TTC34: variants seen among roughly 807,000 people sequenced by gnomAD.
TTC34 encodes the protein tetratricopeptide repeat domain 34.
In TTC34, 44 loss-of-function variants were observed where a neutral mutation model predicts 40.7. The observed-to-expected ratio is 1.08, with a 90% CI of 0.85 to 1.39. TTC34 has a LOEUF of 1.39. Ranked by LOEUF, TTC34 falls within the 40% of genes most tolerant of loss-of-function variation. The pLI is 0.00. For missense variants in TTC34, 884 were observed against 838.0 expected (o/e 1.05, Z -0.68); for synonymous variants, 422 against 398.6 (o/e 1.06, Z -0.70).
intron 4 of TTC34, 86 bp from the exon 5 acceptor site, chr1:2,786,109 AC>A: frequency 8.3e-7 from 1 of 1,204,162 alleles, no homozygotes; most frequent in African/African-American, 1.7e-5. Context: ...GCCATCCCCC[AC>A]CCCACCCTCA....
chr1:2,787,459 GTCACCCCCCAGGCC>G lies in TTC34; in HGVS notation c.1854+8_1854+21del. Reference sequence around the variant, plus strand: ...CTGGGCCCATTTCCACCTGCCCTCTGTCACCCCCCAGGCCTCCTCACCTGGTTGGCGTCATAGAA... The same window carrying G: ...CTGGGCCCATTTCCACCTGCCCTCTGTCCTCACCTGGTTGGCGTCATAGAA... On this transcript the variant is annotated splice_region_variant and intron_variant, in intron 4 of 8. Transcript: ENST00000401095. 6.9e-7 allele frequency: 1 copy of G among 1,450,560 alleles called. No individual in the cohort carries two copies. The highest frequency in any genetic ancestry group is 1.4e-5 in the South Asian group (1 of 70,240). The allele number at this position is 1,450,560 out of a possible 1,614,324, so 89.9% of individuals were successfully genotyped here. A position where few individuals can be genotyped will look rare whatever the true frequency, so the allele number is the denominator to read the frequency against.
At chr1:2,676,897 A>C in intron 6 of TTC34, among the ~76,000 whole-genome samples, 1 of 126,940 alleles carries the variant, frequency 7.9e-6, no homozygotes, top group African/African-American at 3.0e-5. Context: ...CCCACAGGTG[A>C]GCATCTGACA....
intron 6 of TTC34, among the ~76,000 whole-genome samples, chr1:2,651,907 T>C (rs964665798): frequency 6.6e-6 from 1 of 151,566 alleles, no homozygotes; most frequent in Admixed American, 6.6e-5. Context: ...GCTGAGAAAC[T>C]AAGTTGGCAC....
At chr1:2,778,893 C>T (rs938617051) in intron 6 of TTC34, among the ~76,000 whole-genome samples, 1 of 152,140 alleles carries the variant, frequency 6.6e-6, no homozygotes, top group African/African-American at 2.4e-5. Context: ...ACTCTGTCCC[C>T]GTTAAATACT....
intron 6 of TTC34, among the ~76,000 whole-genome samples, chr1:2,780,753 C>G (rs1040346165): frequency 6.6e-6 from 1 of 152,084 alleles, no homozygotes; most frequent in Non-Finnish European, 1.5e-5. Context: ...CCCTGAGATT[C>G]CACAGGAATT....
chr1:2,692,486 C>G (rs377400277), intron 6 of TTC34, among the ~76,000 whole-genome samples: 24 of 135,894 alleles, frequency 1.8e-4, no homozygotes, highest in African/African-American at 6.3e-4. Context: ...ATCTGACAGC[C>G]TGGAACAGCA....
chr1:2,783,354 C>T (rs139697644), intron 6 of TTC34, among the ~76,000 whole-genome samples: 1 of 152,328 alleles, frequency 6.6e-6, no homozygotes, highest in East Asian at 1.9e-4. Context: ...CCCCTAGTAC[C>T]TCTGAAGGCT....
At chr1:2,700,169 C>A (rs187767145) in intron 6 of TTC34, among the ~76,000 whole-genome samples, 2 of 99,836 alleles carry the variant, frequency 2.0e-5, no homozygotes, top group Middle Eastern at 6.6e-3. Flanking sequence ...GCATCACATA[C>A]TCCCCCAGGT....
chr1:2,684,678 C>T (rs6661848), intron 6 of TTC34, among the ~76,000 whole-genome samples: 10,720 of 125,880 alleles, frequency 0.085, 828 homozygotes, highest in South Asian at 0.14. Flanking sequence ...CACCCACACG[C>T]CCAGGTGAGC....
rs1218846199 is a variant in TTC34 at position 2,750,099 on chromosome 1, T to C, written c.2226+33510A>G. Among the ~76,000 whole-genome samples, 42 of 109,540 alleles carry C rather than the reference T, an allele frequency of 3.8e-4. 2 individuals carry two copies. The East Asian group carries it at 6.1e-3, about 16-fold the overall frequency. The allele number at this position is 109,540 out of a possible 152,430, so 71.9% of individuals were successfully genotyped here. On this transcript the variant is annotated intron_variant, in intron 6 of 8. Coordinates refer to ENST00000401095, the Ensembl canonical transcript of TTC34. ...AGCAGGCACACCCCCAGTGAGCATCTGACAGCCTGGAACAGCACCCACACA... is the reference window on the plus strand; with the variant it reads ...AGCAGGCACACCCCCAGTGAGCATCCGACAGCCTGGAACAGCACCCACACA...
intron 6 of TTC34, among the ~76,000 whole-genome samples, chr1:2,764,447 G>A (rs1372124177): frequency 6.2e-5 from 9 of 145,426 alleles, no homozygotes; most frequent in East Asian, 4.3e-4. Flanking sequence ...TGACAGCCTG[G>A]GGCAGTGCCC....
At chr1:2,756,812 G>A (rs1168358672) in intron 6 of TTC34, among the ~76,000 whole-genome samples, 210 of 100,664 alleles carry the variant, frequency 2.1e-3, no homozygotes, top group Middle Eastern at 9.8e-3. Flanking sequence ...CGACAGCCTG[G>A]AGCAGAACCC....
At chr1:2,749,477 C>G (rs1290728453) in intron 6 of TTC34, among the ~76,000 whole-genome samples, 33 of 112,582 alleles carry the variant, frequency 2.9e-4, no homozygotes, top group Non-Finnish European at 3.6e-4. Flanking sequence ...TGGAACAGCA[C>G]CCACATCCCC....
At chr1:2,655,895 C>A (rs1639326793) in intron 6 of TTC34, among the ~76,000 whole-genome samples, 1 of 129,108 alleles carries the variant, frequency 7.7e-6, no homozygotes, top group East Asian at 2.4e-4. Context: ...GTGCCCAAAC[C>A]CCCAGGTGAG....
chr1:2,686,692 C>T (rs556786669), intron 6 of TTC34, among the ~76,000 whole-genome samples: 6 of 100,090 alleles, frequency 6.0e-5, no homozygotes, highest in South Asian at 7.4e-4. Context: ...CCCCCAGGTG[C>T]GCACGTGACA....
At chr1:2,750,609 C>G (rs1641286038) in intron 6 of TTC34, among the ~76,000 whole-genome samples, 2 of 152,016 alleles carry the variant, frequency 1.3e-5, no homozygotes, top group African/African-American at 4.8e-5. Context: ...CCCACACCCA[C>G]AGGTGAGCAT....
chr1:2,753,331 C>G, intron 6 of TTC34, among the ~76,000 whole-genome samples: 1 of 127,016 alleles, frequency 7.9e-6, no homozygotes, highest in East Asian at 2.6e-4. Context: ...GAGCATCACC[C>G]ACACCCCCAG....
At chr1:2,686,599 C>T (rs796126381) in intron 6 of TTC34, among the ~76,000 whole-genome samples, 1 of 136,920 alleles carries the variant, frequency 7.3e-6, no homozygotes, top group Non-Finnish European at 1.6e-5. Context: ...ACAGCACACA[C>T]ACCCCCAGGC....
intron 2 of TTC34, among the ~76,000 whole-genome samples, chr1:2,795,416 C>T (rs74047784): frequency 6.7e-4 from 102 of 152,290 alleles, no homozygotes; most frequent in African/African-American, 2.0e-3. Context: ...CTCATGTGTC[C>T]GGGGCCTTGG....
Sources: allele counts gnomAD v4.1 joint callset (sites outside exome capture counted in the v4.1 genomes callset), GRCh38; gene constraint gnomAD v4.1.1; transcripts MANE v1.5; gene names NCBI Gene and HGNC (gene_info 2026-07-23, HGNC 2026-07-21).